ATF3: variants seen among roughly 807,000 people sequenced by gnomAD.
ATF3 encodes the protein activating transcription factor 3, also known as cyclic AMP-dependent transcription factor ATF-3.
Under a neutral mutation model 18.4 loss-of-function variants are expected in ATF3, and 10 were observed. The ratio of observed to expected loss-of-function variants is 0.54; its 90% confidence interval spans 0.34 to 0.92. The LOEUF is 0.92. Among genes scored for constraint, ATF3 ranks in the 40% least tolerant of loss-of-function variants. The pLI, the probability that ATF3 is intolerant of heterozygous loss-of-function variation, is 0.02. For missense variants in ATF3, 183 were observed against 222.3 expected, an observed-to-expected ratio of 0.82 and a Z score of 1.12; for synonymous variants, 78 against 87.9, an observed-to-expected ratio of 0.89 and a Z score of 0.63.
intron 1 of ATF3, among the ~76,000 whole-genome samples, chr1:212,585,085 G>A (rs1227572970): frequency 2.6e-5 from 4 of 152,196 alleles, no homozygotes; most frequent in South Asian, 2.1e-4. Flanking sequence ...TCTGAGTGTC[G>A]GAGGGGTGGG....
At chr1:212,604,944 A>G (rs3125296), upstream of ATF3, among the ~76,000 whole-genome samples, 110,163 of 152,006 alleles carry the variant, frequency 0.72, 40,116 homozygotes, top group Admixed American at 0.77. Flanking sequence ...GGCTTTCATC[A>G]GTGTCTGCCT....
chr1:212,612,050 T>C (rs1571788121), intron 1 of ATF3, among the ~76,000 whole-genome samples: 1 of 152,336 alleles, frequency 6.6e-6, no homozygotes, highest in Middle Eastern at 3.4e-3. Context: ...GGCTGAATCA[T>C]ACCTCGAGAG....
intron 1 of ATF3, among the ~76,000 whole-genome samples, chr1:212,614,602 AAGAG>A (rs1553304833): frequency 2.4e-4 from 36 of 147,228 alleles, no homozygotes; most frequent in African/African-American, 6.9e-4. Flanking sequence ...AAAAAAAAAA[AAGAG>A]AGAGAGAGAG....
intron 1 of ATF3, among the ~76,000 whole-genome samples, chr1:212,612,063 T>C (rs1234299967): frequency 1.3e-5 from 2 of 152,220 alleles, no homozygotes; most frequent in Non-Finnish European, 2.9e-5. Flanking sequence ...CTCGAGAGAC[T>C]GAGTAAAGGA....
At position 212,610,144 on chromosome 1, in the gene ATF3, C is replaced by T. The variant is rs529253638; in HGVS notation, c.-5+1214C>T. 2.0e-5 allele frequency among the ~76,000 whole-genome samples: 3 copies of T among 152,292 alleles called. No homozygotes were observed. In the East Asian group the frequency reaches 5.8e-4, roughly 29 times the overall value. ...GATTCGTTCTCCTTCTCTGCTCCCC[C>T]CACTCCCATTTTCATTTCTCATCTA... On this transcript the variant is annotated intron_variant, in intron 1 of 3. Coordinates refer to ENST00000341491, the MANE Select transcript of ATF3 (RefSeq NM_001674.4).
chr1:212,617,319 T>C (rs887710352), intron 2 of ATF3, among the ~76,000 whole-genome samples: 1 of 152,206 alleles, frequency 6.6e-6, no homozygotes, highest in Admixed American at 6.5e-5. Flanking sequence ...CCTGGAATAA[T>C]AAACATGGTG....
chr1:212,601,328 T>G (rs1654479999), intron 1 of ATF3, among the ~76,000 whole-genome samples: 1 of 152,220 alleles, frequency 6.6e-6, no homozygotes, highest in Admixed American at 6.5e-5. Context: ...TAAGCATGTA[T>G]CCTCTGGGAC....
rs1255643180 is a variant in ATF3 at position 212,620,744 on chromosome 1, A to G, written c.*1189A>G. ...TATCCTAGTATTCCTAACCTGTCAG[A>G]ATAATAAATATTGGAACCAAGACAT... On this transcript the variant is annotated 3_prime_UTR_variant, in exon 4 of 4. Transcript: ENST00000341491. 5 of 152,644 alleles carry G rather than the reference A, an allele frequency of 3.3e-5. No homozygotes were observed. Among genetic ancestry groups the G allele is most frequent in the Non-Finnish European group, 7.3e-5 (5 of 68,050 alleles). 9.5% of individuals were successfully genotyped at this position (152,644 alleles called of 1,614,324 possible).
chr1:212,597,445 A>G (rs991750814), intron 1 of ATF3, among the ~76,000 whole-genome samples: 3 of 151,854 alleles, frequency 2.0e-5, no homozygotes, highest in African/African-American at 7.3e-5. Context: ...CTATCTATCT[A>G]TCTATCATCT....
intron 1 of ATF3, among the ~76,000 whole-genome samples, chr1:212,600,575 A>G (rs537812653): frequency 6.6e-6 from 1 of 152,360 alleles, no homozygotes; most frequent in Non-Finnish European, 1.5e-5. Flanking sequence ...CAGCCTCTTC[A>G]TATGACTTTC....
intron 1 of ATF3, among the ~76,000 whole-genome samples, chr1:212,583,062 G>A (rs761993530): frequency 6.6e-6 from 1 of 152,132 alleles, no homozygotes; most frequent in Non-Finnish European, 1.5e-5. Flanking sequence ...AATGTTCTAG[G>A]GGAGAGCATA....
At chr1:212,602,120 T>C (rs1217221954) in intron 1 of ATF3, among the ~76,000 whole-genome samples, 3 of 152,188 alleles carry the variant, frequency 2.0e-5, no homozygotes, top group Non-Finnish European at 2.9e-5. Flanking sequence ...AAATAAGCAG[T>C]GGCAGAAAGA....
chr1:212,568,028 G>T (rs1664414673), intron 1 of ATF3, among the ~76,000 whole-genome samples: 1 of 152,196 alleles, frequency 6.6e-6, no homozygotes, highest in Admixed American at 6.5e-5. Context: ...TAGGGACAGG[G>T]TCTGCCGACT....
At chr1:212,582,982 C>G (rs769031650) in intron 1 of ATF3, among the ~76,000 whole-genome samples, 3 of 151,904 alleles carry the variant, frequency 2.0e-5, no homozygotes, top group Non-Finnish European at 2.9e-5. Context: ...AAGGCTGACC[C>G]CTATTTCCAT....
At chr1:212,595,766 A>AC (rs1170695255) in intron 1 of ATF3, among the ~76,000 whole-genome samples, 2 of 152,208 alleles carry the variant, frequency 1.3e-5, no homozygotes, top group Non-Finnish European at 1.5e-5. Flanking sequence ...CACTGACTCA[A>AC]CATTCTTAAT....
intron 1 of ATF3, among the ~76,000 whole-genome samples, chr1:212,597,612 T>C (rs1571774167): frequency 6.6e-6 from 1 of 152,192 alleles, no homozygotes; most frequent in African/African-American, 2.4e-5. Flanking sequence ...TCTTGCTGCC[T>C]TCTGGAGCCC....
intron 1 of ATF3, among the ~76,000 whole-genome samples, chr1:212,601,865 A>G (rs1234469224): frequency 3.3e-5 from 5 of 152,120 alleles, no homozygotes; most frequent in Non-Finnish European, 7.4e-5. Flanking sequence ...GTAAGGCGTG[A>G]AGAGGGAAAA....
rs532075208 is a variant in ATF3 at position 212,613,701 on chromosome 1, C to T, written c.-4-1317C>T. The T allele has an allele frequency of 4.6e-5, 7 of 152,146 alleles. No homozygotes were observed. In the East Asian group the frequency reaches 1.2e-3, roughly 25 times the overall value. 9.4% of individuals were successfully genotyped at this position (152,146 alleles called of 1,614,324 possible). A position where few individuals can be genotyped will look rare whatever the true frequency, so the allele number is the denominator to read the frequency against. On this transcript the variant is annotated intron_variant, in intron 1 of 3. Coordinates refer to ENST00000341491, the MANE Select transcript of ATF3 (RefSeq NM_001674.4). The stretch of plus-strand genomic sequence containing the variant: ...TCCCCGGTTGAGAGGAATGCCCAGA[C>T]CACACTCATCCTACACTCATCCCTA...
At chr1:212,584,846 G>A (rs1325332468) in intron 1 of ATF3, among the ~76,000 whole-genome samples, 2 of 152,138 alleles carry the variant, frequency 1.3e-5, no homozygotes, top group South Asian at 4.1e-4. Flanking sequence ...TACGGCTCCC[G>A]GGCCACCTGG....
Sources: allele counts gnomAD v4.1 joint callset (sites outside exome capture counted in the v4.1 genomes callset), GRCh38; gene constraint gnomAD v4.1.1; transcripts MANE v1.5; gene names NCBI Gene and HGNC (gene_info 2026-07-23, HGNC 2026-07-21).